Variants in PTPRR observed in about 807,000 individuals in gnomAD.
The protein encoded by PTPRR is receptor-type tyrosine-protein phosphatase R.
A neutral mutation model predicts 77.2 loss-of-function variants in PTPRR; 38 were observed. The ratio of observed to expected loss-of-function variants is 0.49; its 90% CI spans 0.38 to 0.65. The LOEUF (loss-of-function observed/expected upper bound fraction) is 0.65, where lower values mean the gene tolerates loss of function less well. Ranked by LOEUF, PTPRR falls within the 30% of genes least tolerant of loss-of-function variation. PTPRR has a pLI of 0.00. For synonymous variants in PTPRR, 299 were observed against 283.1 expected (o/e 1.06, Z -0.57); for missense variants, 744 against 799.2 (o/e 0.93, Z 0.83).
At chr12:70,765,304 C>A (rs1890790249) in intron 2 of PTPRR, among the ~76,000 whole-genome samples, 1 of 152,192 alleles carries the variant, frequency 6.6e-6, no homozygotes. Flanking sequence ...GTCACTCCCA[C>A]CCCAATACTG....
At chr12:70,784,692 G>A (rs1436133799) in intron 2 of PTPRR, among the ~76,000 whole-genome samples, 1 of 152,204 alleles carries the variant, frequency 6.6e-6, no homozygotes, top group Non-Finnish European at 1.5e-5. Context: ...AAAAGTAACA[G>A]TAAACTAGGC....
intron 2 of PTPRR, among the ~76,000 whole-genome samples, chr12:70,784,522 G>T (rs1356678418): frequency 6.6e-6 from 1 of 152,152 alleles, no homozygotes; most frequent in African/African-American, 2.4e-5. Context: ...ACCTAGCCCC[G>T]CTCCAATGGG....
intron 1 of PTPRR, among the ~76,000 whole-genome samples, chr12:70,914,035 G>A (rs770497782): frequency 4.6e-5 from 7 of 152,082 alleles, no homozygotes; most frequent in Non-Finnish European, 1.0e-4. Context: ...ATGTAGGAGA[G>A]CTACTTGAAT....
At chr12:70,803,373 C>T (rs1159077378) in intron 2 of PTPRR, among the ~76,000 whole-genome samples, 1 of 152,180 alleles carries the variant, frequency 6.6e-6, no homozygotes, top group Non-Finnish European at 1.5e-5. Flanking sequence ...AAGAAGCACT[C>T]TTTGGGTTTG....
chr12:70,911,317 A>G (rs1893695717), intron 1 of PTPRR, among the ~76,000 whole-genome samples: 1 of 152,144 alleles, frequency 6.6e-6, no homozygotes, highest in Non-Finnish European at 1.5e-5. Context: ...AGAGGAGTAG[A>G]CAACAGATGG....
chr12:70,679,413 A>G (rs1298029884), intron 10 of PTPRR, among the ~76,000 whole-genome samples: 1 of 152,146 alleles, frequency 6.6e-6, no homozygotes, highest in South Asian at 2.1e-4. Flanking sequence ...CAATTGGTCT[A>G]TTGTGTGGTT....
At chr12:70,786,449 G>A (rs189911247) in intron 2 of PTPRR, among the ~76,000 whole-genome samples, 103 of 152,214 alleles carry the variant, frequency 6.8e-4, no homozygotes, top group African/African-American at 2.3e-3. Flanking sequence ...GTCCTTACAG[G>A]TCATTGGAGC....
intron 2 of PTPRR, among the ~76,000 whole-genome samples, chr12:70,811,802 G>C (rs887587366): frequency 6.6e-6 from 1 of 152,110 alleles, no homozygotes; most frequent in African/African-American, 2.4e-5. Context: ...ACTGGCCCAA[G>C]GTCAAATAGC....
chr12:70,873,449 C>T (rs1892995721), intron 2 of PTPRR, among the ~76,000 whole-genome samples: 1 of 151,990 alleles, frequency 6.6e-6, no homozygotes, highest in African/African-American at 2.4e-5. Context: ...GCATTTTCAC[C>T]CTGAAGTCAA....
In PTPRR at chr12:70,639,167, G is replaced by A. The variant is rs1359540770; in HGVS notation, c.*17C>T. On this transcript the variant is annotated 3_prime_UTR_variant, in exon 14 of 14. Transcript: ENST00000283228. The stretch of plus-strand genomic sequence containing the variant: ...AATCACCCCAAGAGATTGATGGTCT[G>A]ACAAGTCTTCAATGACTCACTGGAC... 2.5e-6 allele frequency: 4 copies of A among 1,604,764 alleles called. No individual in the cohort carries two copies.
intron 6 of PTPRR, among the ~76,000 whole-genome samples, chr12:70,739,068 A>G (rs1202498322): frequency 6.6e-6 from 1 of 152,186 alleles, no homozygotes; most frequent in Non-Finnish European, 1.5e-5. Flanking sequence ...GTAACTGTAT[A>G]TTTACAAATA....
intron 4 of PTPRR, among the ~76,000 whole-genome samples, chr12:70,759,849 A>G (rs1172316134): frequency 6.6e-6 from 1 of 152,198 alleles, no homozygotes; most frequent in African/African-American, 2.4e-5. Flanking sequence ...AGCCCAGCAT[A>G]CAAAGGACCA....
chr12:70,711,674 T>C (rs1459150947), intron 6 of PTPRR, among the ~76,000 whole-genome samples: 1 of 152,082 alleles, frequency 6.6e-6, no homozygotes, highest in Admixed American at 6.6e-5. Context: ...TTTTAGTCAT[T>C]GGAAAGAAAC....
intron 6 of PTPRR, among the ~76,000 whole-genome samples, chr12:70,723,932 C>A (rs1026027190): frequency 1.3e-5 from 2 of 151,990 alleles, no homozygotes; most frequent in African/African-American, 4.8e-5. Context: ...TGGCAATTTG[C>A]TCTTTATTTT....
intron 2 of PTPRR, among the ~76,000 whole-genome samples, chr12:70,844,010 TTCA>T (rs1051379196): frequency 5.3e-5 from 8 of 151,834 alleles, no homozygotes; most frequent in Non-Finnish European, 8.8e-5. Context: ...GAGGCAGGGT[TTCA>T]TCATGTTGGC....
chr12:70,850,094 G>T (rs1359726467), intron 2 of PTPRR, among the ~76,000 whole-genome samples: 1 of 152,080 alleles, frequency 6.6e-6, no homozygotes, highest in Non-Finnish European at 1.5e-5. Flanking sequence ...GGGCATGGTG[G>T]CTCACCTCTG....
intron 8 of PTPRR, 150 bp downstream of exon 8, chr12:70,698,115 T>A: frequency 2.0e-6 from 1 of 488,806 alleles, no homozygotes; most frequent in Non-Finnish European, 3.7e-6. Flanking sequence ...ATGTGCAGAA[T>A]GTGCAGGTTT....
chr12:70,811,593 T>C lies in PTPRR; in HGVS notation c.358-46815A>G, dbSNP rs190005486. Among the ~76,000 whole-genome samples the C allele has an allele frequency of 3.9e-5, 6 of 152,336 alleles. 1 individual carries two copies. Among genetic ancestry groups the C allele is most frequent in the Non-Finnish European group, 1.5e-5 (1 of 68,030 alleles). Reference sequence around the variant, plus strand: ...CAGGCAACGCTGGTCTCCAGGCCACTTTCATTGTATATTCGCAGGTATCTG... The same window carrying C: ...CAGGCAACGCTGGTCTCCAGGCCACCTTCATTGTATATTCGCAGGTATCTG... On this transcript the variant is annotated intron_variant, in intron 2 of 13. Transcript: ENST00000283228.
At chr12:70,712,867 CCCT>C (rs955032263) in intron 6 of PTPRR, among the ~76,000 whole-genome samples, 2 of 150,342 alleles carry the variant, frequency 1.3e-5, no homozygotes, top group African/African-American at 2.5e-5. Flanking sequence ...TATATATACT[CCCT>C]CCTCTTTTTT....
Sources: allele counts gnomAD v4.1 joint callset (sites outside exome capture counted in the v4.1 genomes callset), GRCh38; gene constraint gnomAD v4.1.1; transcripts MANE v1.5; gene names NCBI Gene and HGNC (gene_info 2026-07-23, HGNC 2026-07-21).